Variants in GSG1L observed in about 807,000 individuals in gnomAD.
GSG1L encodes the protein germ cell-specific gene 1-like protein.
In GSG1L, 24 loss-of-function variants were observed where a neutral mutation model predicts 42.1. The observed-to-expected ratio is 0.57, with a 90% CI of 0.41 to 0.80. The LOEUF (loss-of-function observed/expected upper bound fraction) is 0.80, where lower values mean the gene tolerates loss of function less well. Among genes scored for constraint, GSG1L ranks in the 30% least tolerant of loss-of-function variants. GSG1L has a pLI of 0.00. For missense variants in GSG1L, 445 were observed against 472.2 expected, an observed-to-expected ratio of 0.94 and a Z score of 0.53; for synonymous variants, 215 against 203.5, an observed-to-expected ratio of 1.06 and a Z score of -0.48.
At chr16:27,888,927 GATAGATATAGAT>G (rs55977600) in intron 2 of GSG1L, among the ~76,000 whole-genome samples, 26,511 of 142,024 alleles carry the variant, frequency 0.19, 2,474 homozygotes, top group African/African-American at 0.22. Context: ...CTTGTGCTTA[GATAGATATAGAT>G]ATAGATATAG....
intron 2 of GSG1L, among the ~76,000 whole-genome samples, chr16:27,914,349 A>T (rs1431082163): frequency 6.6e-6 from 1 of 152,194 alleles, no homozygotes; most frequent in Non-Finnish European, 1.5e-5. Flanking sequence ...TAAGTGGAGT[A>T]CCAAGTTCAT....
At chr16:28,053,394 G>T (rs762395466) in intron 1 of GSG1L, among the ~76,000 whole-genome samples, 72 of 152,306 alleles carry the variant, frequency 4.7e-4, no homozygotes, top group Middle Eastern at 3.4e-3. Context: ...ACATGAAGAG[G>T]GGTCAGTGAT....
chr16:27,991,187 C>A (rs535725543), intron 1 of GSG1L, among the ~76,000 whole-genome samples: 63 of 152,270 alleles, frequency 4.1e-4, no homozygotes, highest in African/African-American at 1.4e-3. Context: ...ACAGTTGTTT[C>A]TGAGCTTTTA....
At chr16:27,834,518 T>C in intron 4 of GSG1L, among the ~76,000 whole-genome samples, 1 of 152,170 alleles carries the variant, frequency 6.6e-6, no homozygotes, top group Non-Finnish European at 1.5e-5. Flanking sequence ...TTTAAATATT[T>C]GGTGGAATGT....
At chr16:27,946,579 AAGAG>A (rs1166800286) in intron 2 of GSG1L, among the ~76,000 whole-genome samples, 86 of 37,010 alleles carry the variant, frequency 2.3e-3, no homozygotes, top group South Asian at 0.012. Flanking sequence ...GAAAGAAAGA[AAGAG>A]AGAGAGAGAG....
At chr16:28,017,254 G>A (rs186353122) in intron 1 of GSG1L, among the ~76,000 whole-genome samples, 1 of 152,182 alleles carries the variant, frequency 6.6e-6, no homozygotes, top group Non-Finnish European at 1.5e-5. Context: ...ACAGGGAAAG[G>A]CATCTTCAAA....
intron 2 of GSG1L, among the ~76,000 whole-genome samples, chr16:27,933,690 A>ATTAG (rs1489606054): frequency 6.6e-6 from 1 of 151,224 alleles, no homozygotes; most frequent in Non-Finnish European, 1.5e-5. Flanking sequence ...CCAATGACTA[A>ATTAG]GATAAAAAGT....
At chr16:28,009,056 G>A (rs774968235) in intron 1 of GSG1L, among the ~76,000 whole-genome samples, 43 of 152,106 alleles carry the variant, frequency 2.8e-4, no homozygotes, top group South Asian at 2.1e-4. Context: ...TGATCCGCCC[G>A]CCTTGGCCTC....
intron 2 of GSG1L, among the ~76,000 whole-genome samples, chr16:27,914,454 T>C (rs769076145): frequency 6.6e-6 from 1 of 152,170 alleles, no homozygotes; most frequent in Non-Finnish European, 1.5e-5. Context: ...TTTCCTGATA[T>C]GCAAAGTGAG....
rs146934486 is a variant in GSG1L, at chr16:28,020,273, C to T, written c.349+42803G>A. On this transcript the variant is annotated intron_variant, in intron 1 of 6. Coordinates refer to ENST00000447459, the MANE Select transcript of GSG1L (RefSeq NM_001109763.2). The stretch of plus-strand genomic sequence containing the variant: ...TGTGCGGTGGCTCAAACAGTTCTGG[C>T]GGCTACTCCAAAGCGCTGCTATTCA... 4.6e-4 allele frequency among the ~76,000 whole-genome samples: 70 copies of T among 152,170 alleles called. No homozygotes were observed. In the East Asian group the frequency reaches 6.8e-3, roughly 15 times the overall value.
intron 5 of GSG1L, among the ~76,000 whole-genome samples, chr16:27,819,977 CAT>C (rs1050015011): frequency 1.3e-5 from 2 of 152,112 alleles, no homozygotes; most frequent in Non-Finnish European, 2.9e-5. Context: ...AGGAAGGAGA[CAT>C]AAAGAGAAGG....
intron 1 of GSG1L, among the ~76,000 whole-genome samples, chr16:27,964,716 A>G (rs1183100853): frequency 6.6e-6 from 1 of 152,226 alleles, no homozygotes; most frequent in African/African-American, 2.4e-5. Flanking sequence ...GGGATCTAAA[A>G]AACAAATAAA....
rs1214752099 is a variant in GSG1L at position 28,053,059 on chromosome 16, G to C, written c.349+10017C>G. Among the ~76,000 whole-genome samples the C allele has an allele frequency of 2.0e-5, 3 of 152,218 alleles. No individual in the cohort carries two copies. The East Asian group carries it at 5.8e-4, about 29-fold the overall frequency. The stretch of plus-strand genomic sequence containing the variant: ...GCCAGTGGTGTCCAAGGGGCTGGAG[G>C]AGTGGGGCTTTCAGCCTCCCATGCC... On this transcript the variant is annotated intron_variant, in intron 1 of 6. Transcript: ENST00000447459.
chr16:27,909,637 T>C (rs868370114), intron 2 of GSG1L, among the ~76,000 whole-genome samples: 6,571 of 67,060 alleles, frequency 0.098, 143 homozygotes, highest in Non-Finnish European at 0.16. Context: ...GCACCCAGCT[T>C]TTTTTTTTTT....
intron 2 of GSG1L, among the ~76,000 whole-genome samples, chr16:27,959,155 C>T (rs1037699079): frequency 6.6e-6 from 1 of 150,516 alleles, no homozygotes; most frequent in Non-Finnish European, 1.5e-5. Context: ...TCCTAGGTAG[C>T]TTCAGGATAG....
intron 1 of GSG1L, among the ~76,000 whole-genome samples, chr16:28,014,370 CAG>C (rs1394532086): frequency 6.6e-6 from 1 of 152,184 alleles, no homozygotes; most frequent in Admixed American, 6.5e-5. Context: ...GGGGAGAAAG[CAG>C]AGAGTAGAAC....
rs1198463221 is a variant in GSG1L, at chr16:27,789,668, G to A, written c.*1702C>T. The A allele has an allele frequency of 6.8e-6, 1 of 147,464 alleles. No homozygotes were observed. The highest frequency in any genetic ancestry group is 1.5e-5 in the Non-Finnish European group (1 of 67,092). 9.1% of individuals were successfully genotyped at this position (147,464 alleles called of 1,614,324 possible). On this transcript the variant is annotated 3_prime_UTR_variant, in exon 7 of 7. Coordinates refer to ENST00000447459, the MANE Select transcript of GSG1L (RefSeq NM_001109763.2). The stretch of plus-strand genomic sequence containing the variant: ...ATGGATGATGAATGGATGGATGAAA[G>A]CATAGACAATGAATGGATAGATGAT...
intron 2 of GSG1L, among the ~76,000 whole-genome samples, chr16:27,915,196 TACACACACACACACAC>T (rs66820312): frequency 0.039 from 4,809 of 121,860 alleles, 148 homozygotes; most frequent in African/African-American, 0.084. Flanking sequence ...CCAGAGGATG[TACACACACACACACAC>T]ACACACACAC....
At chr16:27,853,158 T>C (rs568551788) in intron 3 of GSG1L, among the ~76,000 whole-genome samples, 2 of 152,212 alleles carry the variant, frequency 1.3e-5, no homozygotes, top group East Asian at 1.9e-4. Flanking sequence ...ATAAATCTCT[T>C]ATCTGAACGT....
Sources: gnomAD v4.1 joint callset for allele counts (sites outside exome capture counted in the v4.1 genomes callset) on GRCh38, gnomAD v4.1.1 for gene constraint, MANE v1.5 for transcripts, NCBI Gene and HGNC (gene_info 2026-07-23, HGNC 2026-07-21) for gene names.